Variants in VKORC1L1 observed in about 807,000 individuals in gnomAD.
VKORC1L1 encodes the protein vitamin K epoxide reductase complex subunit 1-like protein 1.
In VKORC1L1, 2 loss-of-function variants were observed where a neutral mutation model predicts 18.9. The observed-to-expected ratio is 0.11, with a 90% CI of 0.04 to 0.33. The LOEUF (loss-of-function observed/expected upper bound fraction) is 0.33, where lower values mean the gene tolerates loss of function less well. VKORC1L1 is among the 10% of genes least tolerant of loss of function. The pLI is 1.00. For missense variants in VKORC1L1, 123 were observed against 224.1 expected (o/e 0.55, Z 2.88); for synonymous variants, 96 against 100.0 (o/e 0.96, Z 0.24).
intron 1 of VKORC1L1, among the ~76,000 whole-genome samples, chr7:65,893,713 G>C (rs1452906982): frequency 1.3e-5 from 2 of 152,116 alleles, no homozygotes; most frequent in South Asian, 4.1e-4. Flanking sequence ...AATATAATAG[G>C]TATAATGCAT....
intron 1 of VKORC1L1, among the ~76,000 whole-genome samples, chr7:65,928,596 G>A (rs543056590): frequency 6.6e-6 from 1 of 152,140 alleles, no homozygotes; most frequent in African/African-American, 2.4e-5. Flanking sequence ...TTTTATTGCT[G>A]AGTGATAGTC....
chr7:65,866,920 G>A, the VKORC1L1 span, among the ~76,000 whole-genome samples: 1 of 152,174 alleles, frequency 6.6e-6, no homozygotes, highest in Non-Finnish European at 1.5e-5. Flanking sequence ...GCTGGGTGTG[G>A]TGGCTCATGC....
intron 2 of VKORC1L1, among the ~76,000 whole-genome samples, chr7:65,950,339 G>C (rs1330973177): frequency 2.0e-5 from 3 of 152,250 alleles, no homozygotes; most frequent in Admixed American, 1.3e-4. Flanking sequence ...AAATCCATCT[G>C]TTGATGCCTT....
chr7:65,925,333 TCTTA>T (rs1295377000), intron 1 of VKORC1L1, among the ~76,000 whole-genome samples: 1 of 152,192 alleles, frequency 6.6e-6, no homozygotes, highest in Non-Finnish European at 1.5e-5. Context: ...ATCCTGTCAG[TCTTA>T]CTTCTTCAAT....
At chr7:65,873,741 G>A (rs1304746262) in intron 1 of VKORC1L1, among the ~76,000 whole-genome samples, 176 bp downstream of exon 1, 1 of 150,956 alleles carries the variant, frequency 6.6e-6, no homozygotes, top group Non-Finnish European at 1.5e-5. Context: ...CTCCTGCCCG[G>A]GGGGCGGCCT....
intron 1 of VKORC1L1, among the ~76,000 whole-genome samples, chr7:65,945,532 A>T (rs1456455683): frequency 6.6e-6 from 1 of 151,914 alleles, no homozygotes; most frequent in African/African-American, 2.4e-5. Context: ...GAATGGCCTG[A>T]ACCTGGGAGG....
intron 1 of VKORC1L1, among the ~76,000 whole-genome samples, chr7:65,944,712 T>G (rs912778741): frequency 6.6e-6 from 1 of 150,834 alleles, no homozygotes; most frequent in African/African-American, 2.4e-5. Context: ...AGCTCAGGAG[T>G]TCGAGACCAG....
chr7:65,895,716 A>G (rs1455592710), intron 1 of VKORC1L1, among the ~76,000 whole-genome samples: 1 of 151,286 alleles, frequency 6.6e-6, no homozygotes, highest in Non-Finnish European at 1.5e-5. Context: ...AGCCAAACCA[A>G]TTTGAGCATC....
chr7:65,951,217 C>A (rs1190221509), intron 2 of VKORC1L1, among the ~76,000 whole-genome samples: 1 of 152,174 alleles, frequency 6.6e-6, no homozygotes, highest in Non-Finnish European at 1.5e-5. Context: ...TCCCTTCTAA[C>A]CTGTTTGAGA....
At chr7:65,942,050 G>A (rs1045733577) in intron 1 of VKORC1L1, among the ~76,000 whole-genome samples, 4 of 152,130 alleles carry the variant, frequency 2.6e-5, no homozygotes, top group Admixed American at 2.6e-4. Flanking sequence ...ACTTTATGAT[G>A]TATAATGATG....
At chr7:65,898,574 A>T (rs1429088878) in intron 1 of VKORC1L1, among the ~76,000 whole-genome samples, 5 of 152,212 alleles carry the variant, frequency 3.3e-5, no homozygotes, top group Admixed American at 6.5e-5. Flanking sequence ...ATTTGGAAAG[A>T]TGGGAAGATA....
At position 65,958,419 on chromosome 7, in the gene VKORC1L1, A is replaced by ACTC. The variant is rs1247253731; in HGVS notation, c.*4120_*4122dup. 1 of 152,210 alleles carries ACTC rather than the reference A, an allele frequency of 6.6e-6. No homozygotes were observed. Among genetic ancestry groups the ACTC allele is most frequent in the Non-Finnish European group, 1.5e-5 (1 of 68,042 alleles). 9.4% of individuals were successfully genotyped at this position (152,210 alleles called of 1,614,324 possible). On this transcript the variant is annotated 3_prime_UTR_variant, in exon 3 of 3. Coordinates refer to ENST00000360768, the MANE Select transcript of VKORC1L1 (RefSeq NM_173517.6). ...TTTCCCCTTTAATCTAGATAGAAAT[A>ACTC]CTCTTTATCAGAGATTTAAGGCACT...
intron 1 of VKORC1L1, among the ~76,000 whole-genome samples, chr7:65,897,887 T>C (rs1473007590): frequency 1.3e-5 from 2 of 152,086 alleles, no homozygotes; most frequent in African/African-American, 4.8e-5. Flanking sequence ...CACATAACTT[T>C]TGTTTTAGCA....
At chr7:65,924,156 G>A (rs1036606403) in intron 1 of VKORC1L1, among the ~76,000 whole-genome samples, 1 of 152,206 alleles carries the variant, frequency 6.6e-6, no homozygotes, top group Non-Finnish European at 1.5e-5. Flanking sequence ...TGTGAGATCA[G>A]TATGTTCTAA....
At chr7:65,881,270 A>G (rs1015840397) in intron 1 of VKORC1L1, among the ~76,000 whole-genome samples, 1 of 152,248 alleles carries the variant, frequency 6.6e-6, no homozygotes, top group African/African-American at 2.4e-5. Context: ...AGTTTAAAAT[A>G]TTATAAATGT....
intron 1 of VKORC1L1, among the ~76,000 whole-genome samples, chr7:65,875,046 A>G (rs1004242754): frequency 6.6e-6 from 1 of 152,180 alleles, no homozygotes; most frequent in African/African-American, 2.4e-5. Context: ...GTGATGTTTC[A>G]TTGTGTAGCT....
At chr7:65,883,922 G>T (rs1209219865) in intron 1 of VKORC1L1, among the ~76,000 whole-genome samples, 1 of 152,134 alleles carries the variant, frequency 6.6e-6, no homozygotes, top group African/African-American at 2.4e-5. Context: ...TCTAACTAGG[G>T]GAATTTCAGG....
intron 1 of VKORC1L1, among the ~76,000 whole-genome samples, chr7:65,903,144 G>GT (rs1275888173): frequency 6.6e-6 from 1 of 151,320 alleles, no homozygotes; most frequent in Non-Finnish European, 1.5e-5. Context: ...GGGATTACAG[G>GT]TGTAAGCCAC....
upstream of VKORC1L1, among the ~76,000 whole-genome samples, chr7:65,871,929 C>G (rs148823091): frequency 5.4e-3 from 828 of 152,308 alleles, 62 homozygotes; most frequent in East Asian, 0.14. Context: ...TTTTACCCAA[C>G]AATAGATAAC....
Sources: allele counts gnomAD v4.1 joint callset (sites outside exome capture counted in the v4.1 genomes callset), GRCh38; gene constraint gnomAD v4.1.1; transcripts MANE v1.5; gene names NCBI Gene and HGNC (gene_info 2026-07-23, HGNC 2026-07-21).